The following TRIM14 variants were observed in gnomAD, a reference collection of about 807,000 sequenced individuals.
TRIM14 encodes the protein tripartite motif-containing protein 14.
Under a neutral mutation model 44.5 loss-of-function variants are expected in TRIM14, and 28 were observed. The ratio of observed to expected loss-of-function variants is 0.63; its 90% confidence interval spans 0.47 to 0.86. The LOEUF is 0.86. Among genes scored for constraint, TRIM14 ranks in the 40% least tolerant of loss-of-function variants. TRIM14 has a pLI of 0.00. For synonymous variants in TRIM14, 299 were observed against 269.2 expected, an observed-to-expected ratio of 1.11 and a Z score of -1.08; for missense variants, 607 against 611.1, an observed-to-expected ratio of 0.99 and a Z score of 0.07.
chr9:98,036,458 GC>G, the TRIM14 span, among the ~76,000 whole-genome samples: 1 of 137,742 alleles, frequency 7.3e-6, no homozygotes, highest in African/African-American at 2.8e-5. Flanking sequence ...CCAAGATCAT[GC>G]CACTACACTC....
At position 98,087,169 on chromosome 9, in the gene TRIM14, A is replaced by T; in HGVS notation, c.*301T>A. ...TGCGGATGATGTATTCAGGATGCTG[A>T]GGGCTTACCTGTGGGGGTATCACTT... is the stretch of plus-strand genomic sequence containing the variant. On this transcript the variant is annotated 3_prime_UTR_variant, in exon 6 of 6. Coordinates refer to ENST00000341469, the MANE Select transcript of TRIM14 (RefSeq NM_014788.4). 1.5e-6 allele frequency: 1 copy of T among 672,468 alleles called. No individual in the cohort carries two copies. Among genetic ancestry groups the T allele is most frequent in the Non-Finnish European group, 2.8e-6 (1 of 353,004 alleles). The allele number at this position is 672,468 out of a possible 1,614,324, so 41.7% of individuals were successfully genotyped here.
Position 98,085,480 on chromosome 9 carries a change from G to A in TRIM14, c.*1990C>T, listed in dbSNP as rs1400996299. 3 of 152,226 alleles carry A rather than the reference G, an allele frequency of 2.0e-5. No individual in the cohort carries two copies. Among genetic ancestry groups the A allele is most frequent in the Non-Finnish European group, 4.4e-5 (3 of 68,062 alleles). 9.4% of individuals were successfully genotyped at this position (152,226 alleles called of 1,614,324 possible). A position where few individuals can be genotyped will look rare whatever the true frequency, so the allele number is the denominator to read the frequency against. The stretch of plus-strand genomic sequence containing the variant: ...AACAGTGCATTATAAACTATTAAGA[G>A]CTGTTATTACTTGGCCCCTGCAGCT... On this transcript the variant is annotated 3_prime_UTR_variant, in exon 6 of 6. Coordinates refer to ENST00000341469, the MANE Select transcript of TRIM14 (RefSeq NM_014788.4).
intron 6 of TRIM14, among the ~76,000 whole-genome samples, chr9:98,078,729 G>C (rs914732933): frequency 1.3e-5 from 2 of 151,616 alleles, no homozygotes; most frequent in Admixed American, 6.6e-5. Context: ...CAGCTACTCA[G>C]GAGGCTGAGG....
intron 1 of TRIM14, among the ~76,000 whole-genome samples, chr9:98,112,035 G>A (rs1826874104): frequency 6.6e-6 from 1 of 151,956 alleles, no homozygotes. Context: ...CATTTATATG[G>A]TATAGAAAAG....
intron 6 of TRIM14, chr9:98,076,820 G>A (rs578042276): frequency 2.4e-5 from 23 of 945,568 alleles, no homozygotes; most frequent in Admixed American, 4.7e-5. Context: ...TACTGCCTAA[G>A]ATGAGGGGTT....
chr9:98,043,982 C>T, the TRIM14 span, among the ~76,000 whole-genome samples: 2 of 151,126 alleles, frequency 1.3e-5, no homozygotes, highest in East Asian at 1.9e-4. Flanking sequence ...TTGTTTTCTC[C>T]GCCTTCTTAG....
Position 98,095,097 on chromosome 9 carries a change from C to CA in TRIM14, c.538-69dup, listed in dbSNP as rs1352304906. 5 of 1,535,134 alleles carry CA rather than the reference C, an allele frequency of 3.3e-6. No individual in the cohort carries two copies. The highest frequency in any genetic ancestry group is 3.5e-6 in the Non-Finnish European group (4 of 1,144,882). On this transcript the variant is annotated intron_variant, in intron 3 of 5. Transcript: ENST00000341469. This position sits in a 1 kb window ranked among gnomAD's most constrained non-coding sequence, Gnocchi z 4.1. ...GGCAGCATCCCAGCCTCCTGTGCTG[C>CA]ACCCAGGAACAAACCCACACCAGCA...
At position 98,099,955 on chromosome 9, in the gene TRIM14, C is replaced by A. The variant is rs748963837; in HGVS notation, c.513G>T (p.Glu171Asp). The A allele has an allele frequency of 6.2e-7, 1 of 1,613,604 alleles. No individual in the cohort carries two copies. The highest frequency in any genetic ancestry group is 8.5e-7 in the Non-Finnish European group (1 of 1,180,018). Residue 171 changes from glutamate (E) to aspartate (D), a missense_variant, in exon 3 of 6, where the codon GAG (glutamate) becomes GAT (aspartate). By Grantham distance (45) the Glu-to-Asp change is conservative. This residue lies in a region of TRIM14 where 246 missense variants were observed against 270.8 expected (regional missense o/e 0.91). Coordinates refer to ENST00000341469, the MANE Select transcript of TRIM14 (RefSeq NM_014788.4). The stretch of plus-strand genomic sequence containing the variant: ...CCTGAAGCCTCTGGACAGGATCGGG[C>A]TCCTGGCTGATACTCCAGACCCTGT... ...LSNRVWSISQ[E>D]PDPVQRLQAY...
chr9:98,061,564 G>A, the TRIM14 span, among the ~76,000 whole-genome samples: 3 of 149,580 alleles, frequency 2.0e-5, no homozygotes, highest in African/African-American at 7.4e-5. Flanking sequence ...GGCAGGTCAC[G>A]AGGTCAAGAG....
At chr9:98,058,884 T>C in the TRIM14 span, among the ~76,000 whole-genome samples, 10 of 152,170 alleles carry the variant, frequency 6.6e-5, no homozygotes, top group Non-Finnish European at 1.5e-5. Context: ...ATCTAGACAA[T>C]GAGAGCTCTG....
At chr9:98,055,498 C>T in the TRIM14 span, among the ~76,000 whole-genome samples, 1 of 152,118 alleles carries the variant, frequency 6.6e-6, no homozygotes, top group Non-Finnish European at 1.5e-5. Flanking sequence ...CTGGTGGTGC[C>T]AGCTGATCCA....
intron 2 of TRIM14, among the ~76,000 whole-genome samples, chr9:98,100,705 T>C (rs964648894): frequency 1.3e-5 from 2 of 152,120 alleles, no homozygotes; most frequent in Non-Finnish European, 2.9e-5. Flanking sequence ...AGGTCAAAAG[T>C]ACAAAATAAA....
In TRIM14 at chr9:98,091,898, G is replaced by T; in HGVS notation, c.793+11C>A. ...CCGTCTCCACCCTATCCCCACTCCC[G>T]GGGGTCTTACATTTCAGCAATAGCG... On this transcript the variant is annotated intron_variant, in intron 5 of 5. Transcript: ENST00000341469. 8 of 1,577,136 alleles carry T rather than the reference G, an allele frequency of 5.1e-6. No individual in the cohort carries two copies. The highest frequency in any genetic ancestry group is 6.9e-6 in the Non-Finnish European group (8 of 1,157,616).
At chr9:98,064,498 C>T (rs761104854), downstream of TRIM14, among the ~76,000 whole-genome samples, 5 of 152,102 alleles carry the variant, frequency 3.3e-5, no homozygotes, top group Non-Finnish European at 7.4e-5. Flanking sequence ...TTCAGTGATC[C>T]GCCTGCCTCG....
At position 98,119,060 on chromosome 9, in the gene TRIM14, C is replaced by T. The variant is rs1827155868; in HGVS notation, c.129G>A (p.Val43=). Residue 43 remains valine (V), a synonymous_variant, in exon 1 of 6, where the codon GTG becomes GTA. Coordinates refer to ENST00000341469, the MANE Select transcript of TRIM14 (RefSeq NM_014788.4). The part of the protein sequence containing the change: ...ELFCRRCRRC[V]CALCPVLGAH... ...CGCCCAGCACCGGGCAAAGCGCGCA[C>T]ACGCAGCGGCGGCAGCGGCGACAGA... 6.3e-7 allele frequency: 1 copy of T among 1,581,320 alleles called. No individual in the cohort carries two copies. The highest frequency in any genetic ancestry group is 1.7e-5 in the Admixed American group (1 of 58,760).
In TRIM14 at chr9:98,100,108, T is replaced by A; in HGVS notation, c.360A>T (p.Leu120Phe). The change falls in exon 3 of 6, where the codon TTA (leucine) becomes TTT (phenylalanine). Residue 120 changes from leucine (L) to phenylalanine (F), a missense_variant. Coordinates refer to ENST00000341469, the MANE Select transcript of TRIM14 (RefSeq NM_014788.4). ...WLKGKFTELR[L>F]LLDEEEALAK... ...CCAGCGCTTCCTCTTCGTCAAGTAGTAATCTGAGTTCAGTGAATTTCCCCT... is the reference window on the plus strand; with the variant it reads ...CCAGCGCTTCCTCTTCGTCAAGTAGAAATCTGAGTTCAGTGAATTTCCCCT... 2 of 1,614,206 alleles carry A rather than the reference T, an allele frequency of 1.2e-6. No homozygotes were observed. The highest frequency in any genetic ancestry group is 1.7e-6 in the Non-Finnish European group (2 of 1,180,046).
intron 3 of TRIM14, 78 bp downstream of exon 3, chr9:98,099,842 GTGTGTCAATAC>G: frequency 8.7e-7 from 1 of 1,150,152 alleles, no homozygotes; most frequent in South Asian, 1.3e-5. Context: ...TACTTGCTTA[GTGTGTCAATAC>G]TGTGCTCAAT....
In TRIM14 at chr9:98,094,879, G is replaced by T. The variant is rs138197499; in HGVS notation, c.688C>A (p.Arg230Ser). The T allele has an allele frequency of 6.2e-7, 1 of 1,613,692 alleles. No homozygotes were observed. Among genetic ancestry groups the T allele is most frequent in the African/African-American group, 1.3e-5 (1 of 74,922 alleles). Residue 230 changes from arginine (R) to serine (S), a missense_variant, in exon 4 of 6, where the codon CGC (arginine) becomes AGC (serine). By Grantham distance (110) the Arg-to-Ser change is moderately radical. Coordinates refer to ENST00000341469, the MANE Select transcript of TRIM14 (RefSeq NM_014788.4). ...CTCGGCGACTTACTTTCCTTAAGGC[G>T]AATGTCCAATGGCGTCTGTAATGTA... The part of the protein sequence containing the change: ...ESTLQTPLDI[R>S]LKESINCQLS...
chr9:98,057,659 C>G, the TRIM14 span, among the ~76,000 whole-genome samples: 1 of 152,110 alleles, frequency 6.6e-6, no homozygotes, highest in African/African-American at 2.4e-5. Flanking sequence ...TAAATGCGTG[C>G]TCCCTCTTCT....
Sources: allele counts gnomAD v4.1 joint callset (sites outside exome capture counted in the v4.1 genomes callset), GRCh38; gene constraint gnomAD v4.1.1; regional missense constraint gnomAD v4.1.1; non-coding constraint Gnocchi (gnomAD v3.1); transcripts MANE v1.5; gene names NCBI Gene and HGNC (gene_info 2026-07-23, HGNC 2026-07-21).